MED13L: variants seen among roughly 807,000 people sequenced by gnomAD.
MED13L encodes the protein mediator complex subunit 13L, also known as mediator of RNA polymerase II transcription subunit 13-like.
A neutral mutation model predicts 220.9 loss-of-function variants in MED13L; 7 were observed. The ratio of observed to expected loss-of-function variants is 0.03; its 90% CI spans 0.02 to 0.06. The LOEUF (loss-of-function observed/expected upper bound fraction) is 0.06. Ranked by LOEUF, MED13L falls within the 10% of genes least tolerant of loss-of-function variation. The pLI, the probability that MED13L is intolerant of heterozygous loss-of-function variation, is 1.00. For missense variants in MED13L, 1,965 were observed against 2,760.5 expected, an observed-to-expected ratio of 0.71 and a Z score of 6.46; for synonymous variants, 1,011 against 1,015.2, an observed-to-expected ratio of 1.00 and a Z score of 0.08.
At chr12:116,160,452 T>G (rs528703988) in intron 2 of MED13L, among the ~76,000 whole-genome samples, 1 of 152,132 alleles carries the variant, frequency 6.6e-6, no homozygotes, top group African/African-American at 2.4e-5. Context: ...AGCAGCATGA[T>G]GTAGCAGGAA....
intron 3 of MED13L, among the ~76,000 whole-genome samples, chr12:116,107,918 C>G (rs1439694933): frequency 1.3e-5 from 2 of 152,010 alleles, no homozygotes; most frequent in Non-Finnish European, 2.9e-5. Flanking sequence ...GGTGAAACCC[C>G]ATCTCTACTA....
intron 1 of MED13L, among the ~76,000 whole-genome samples, chr12:116,263,937 G>A (rs898265025): frequency 1.3e-5 from 2 of 152,120 alleles, no homozygotes; most frequent in East Asian, 1.9e-4. Context: ...ACACTGAATC[G>A]CTAGACTCAG....
At chr12:116,019,158 A>G in intron 7 of MED13L, 66 bp downstream of exon 7, 1 of 1,499,718 alleles carries the variant, frequency 6.7e-7, no homozygotes, top group Non-Finnish European at 9.1e-7. Flanking sequence ...CACCTGTTCC[A>G]TGGCAGGTAG....
intron 2 of MED13L, among the ~76,000 whole-genome samples, chr12:116,189,104 C>T (rs1221841240): frequency 6.6e-6 from 1 of 152,152 alleles, no homozygotes; most frequent in Non-Finnish European, 1.5e-5. Flanking sequence ...TGATAGTTGG[C>T]ATGTTTTGTT....
chr12:115,998,798 T>G (rs1159282265), intron 14 of MED13L, among the ~76,000 whole-genome samples: 1 of 152,180 alleles, frequency 6.6e-6, no homozygotes, highest in African/African-American at 2.4e-5. Context: ...ATTCCAACAT[T>G]CATTTCCATT....
chr12:116,234,288 C>T (rs1275147863), intron 2 of MED13L, among the ~76,000 whole-genome samples: 2 of 151,788 alleles, frequency 1.3e-5, no homozygotes, highest in East Asian at 3.9e-4. Flanking sequence ...AGTGCTGTGG[C>T]GTGATCTCAG....
chr12:116,068,861 T>TG (rs1037038691), intron 4 of MED13L, among the ~76,000 whole-genome samples: 14 of 19,002 alleles, frequency 7.4e-4, no homozygotes, highest in African/African-American at 1.7e-3. Flanking sequence ...ATGCGGGGGG[T>TG]GGGGGGGCGT....
rs1394052823 is a variant in MED13L, at chr12:115,961,195, G to A, written c.*71C>T. 2 of 1,576,148 alleles carry A rather than the reference G, an allele frequency of 1.3e-6. No individual in the cohort carries two copies. Among genetic ancestry groups the A allele is most frequent in the African/African-American group, 2.7e-5 (2 of 74,048 alleles). On this transcript the variant is annotated 3_prime_UTR_variant, in exon 31 of 31. Transcript: ENST00000281928. Reference sequence around the variant, plus strand: ...GAAAAGGATGTGGGTTATTTGCAGAGTGTAGCAGGTTCCTTGGACTGAGGT... The same window carrying A: ...GAAAAGGATGTGGGTTATTTGCAGAATGTAGCAGGTTCCTTGGACTGAGGT...
At chr12:116,072,949 C>T (rs889540985) in intron 4 of MED13L, among the ~76,000 whole-genome samples, 3 of 152,122 alleles carry the variant, frequency 2.0e-5, no homozygotes, top group Non-Finnish European at 2.9e-5. Context: ...AGTCCACACT[C>T]GGATACTAGG....
At chr12:116,243,983 A>G (rs1328666665) in intron 1 of MED13L, among the ~76,000 whole-genome samples, 1 of 152,224 alleles carries the variant, frequency 6.6e-6, no homozygotes, top group African/African-American at 2.4e-5. Flanking sequence ...ACCCATCAAG[A>G]ACAGAAAAGC....
chr12:116,036,847 G>A (rs1029477878), intron 4 of MED13L, among the ~76,000 whole-genome samples: 2 of 151,972 alleles, frequency 1.3e-5, no homozygotes, highest in African/African-American at 4.8e-5. Flanking sequence ...TTCTTTTATC[G>A]GACAGGCCTT....
intron 4 of MED13L, among the ~76,000 whole-genome samples, chr12:116,063,761 T>A (rs756303839): frequency 1.3e-5 from 2 of 152,206 alleles, no homozygotes; most frequent in African/African-American, 2.4e-5. Context: ...AGTATCATTA[T>A]GGTACTGTTG....
At chr12:116,201,599 G>A (rs1347864757) in intron 2 of MED13L, among the ~76,000 whole-genome samples, 5 of 152,186 alleles carry the variant, frequency 3.3e-5, no homozygotes, top group Admixed American at 1.3e-4. Context: ...CACATGTGAA[G>A]CAAAGGACAT....
intron 4 of MED13L, among the ~76,000 whole-genome samples, chr12:116,075,403 TCTC>T (rs1870701690): frequency 6.6e-6 from 1 of 152,164 alleles, no homozygotes; most frequent in African/African-American, 2.4e-5. Flanking sequence ...GTCCTGCCCT[TCTC>T]CTTTAAAATG....
chr12:116,271,004 T>G (rs1373542595), intron 1 of MED13L, among the ~76,000 whole-genome samples: 1 of 121,914 alleles, frequency 8.2e-6, no homozygotes. Flanking sequence ...TTCGCACCAC[T>G]GCACTCCAGC....
intron 3 of MED13L, among the ~76,000 whole-genome samples, chr12:116,102,794 T>C (rs910060445): frequency 7.1e-6 from 1 of 141,016 alleles, no homozygotes. Flanking sequence ...TGATCTTGGC[T>C]CACTGCTACC....
At chr12:116,213,556 G>C (rs1049221145) in intron 2 of MED13L, among the ~76,000 whole-genome samples, 1 of 152,112 alleles carries the variant, frequency 6.6e-6, no homozygotes, top group African/African-American at 2.4e-5. Flanking sequence ...GATTGCAACA[G>C]GCATGCGCCA....
intron 1 of MED13L, among the ~76,000 whole-genome samples, chr12:116,241,344 A>C (rs1565945127): frequency 3.4e-5 from 5 of 146,476 alleles, no homozygotes; most frequent in South Asian, 2.2e-4. Context: ...AAAAAAAAAC[A>C]CACACACACA....
chr12:116,256,682 CTTTTTTTTTTT>C (rs35608298), intron 1 of MED13L, among the ~76,000 whole-genome samples: 4 of 96,254 alleles, frequency 4.2e-5, no homozygotes, highest in Admixed American at 2.8e-4. Flanking sequence ...AAACAAACTA[CTTTTTTTTTTT>C]TTTTTTTTTT....
Sources: gnomAD v4.1 joint callset for allele counts (sites outside exome capture counted in the v4.1 genomes callset) on GRCh38, gnomAD v4.1.1 for gene constraint, MANE v1.5 for transcripts, NCBI Gene and HGNC (gene_info 2026-07-23, HGNC 2026-07-21) for gene names.